Variants in COL5A2 observed in about 807,000 individuals in gnomAD.
COL5A2 encodes the protein collagen type V alpha 2 chain, also known as collagen alpha-2(V) chain.
A neutral mutation model predicts 208.2 loss-of-function variants in COL5A2; 23 were observed. The ratio of observed to expected loss-of-function variants is 0.11; its 90% CI spans 0.08 to 0.16. The LOEUF is 0.16. Among genes scored for constraint, COL5A2 ranks in the 10% least tolerant of loss-of-function variants. The pLI is 1.00. For missense variants in COL5A2, 1,590 were observed against 1,956.4 expected (o/e 0.81, Z 3.53); for synonymous variants, 625 against 628.5 (o/e 0.99, Z 0.08).
intron 1 of COL5A2, among the ~76,000 whole-genome samples, chr2:189,147,059 A>G (rs932502967): frequency 2.0e-5 from 3 of 152,228 alleles, no homozygotes; most frequent in Admixed American, 2.0e-4. Context: ...GAATCCAAAG[A>G]AATCCTAAAT....
intron 1 of COL5A2, among the ~76,000 whole-genome samples, chr2:189,147,705 G>A (rs1688066469): frequency 6.6e-6 from 1 of 152,104 alleles, no homozygotes; most frequent in Admixed American, 6.6e-5. Flanking sequence ...TAGGACTACA[G>A]TGCTATAACG....
chr2:189,115,796 G>A (rs1006812276), intron 1 of COL5A2, among the ~76,000 whole-genome samples: 1 of 152,204 alleles, frequency 6.6e-6, no homozygotes, highest in Admixed American at 6.5e-5. Flanking sequence ...AGATGTGAAT[G>A]AGGAAAGTAA....
intron 12 of COL5A2, among the ~76,000 whole-genome samples, chr2:189,081,564 G>A (rs1362876023): frequency 2.0e-5 from 3 of 152,096 alleles, no homozygotes; most frequent in African/African-American, 7.2e-5. Flanking sequence ...ATGATGGGAA[G>A]AACAGTATTA....
At chr2:189,321,903 C>A in the COL5A2 span, among the ~76,000 whole-genome samples, 1 of 152,166 alleles carries the variant, frequency 6.6e-6, no homozygotes, top group Non-Finnish European at 1.5e-5. Context: ...CGCACCTATT[C>A]CAAAATTGAC....
chr2:189,247,464 C>T, the COL5A2 span, among the ~76,000 whole-genome samples: 1 of 152,024 alleles, frequency 6.6e-6, no homozygotes, highest in Non-Finnish European at 1.5e-5. Context: ...CAGAGAAACC[C>T]AACATGACCA....
At chr2:189,292,699 T>C in the COL5A2 span, among the ~76,000 whole-genome samples, 2 of 152,156 alleles carry the variant, frequency 1.3e-5, no homozygotes, top group Non-Finnish European at 2.9e-5. Flanking sequence ...AGTGTGGCGA[T>C]TCCTCAGGGA....
intron 1 of COL5A2, among the ~76,000 whole-genome samples, chr2:189,154,901 C>G (rs1039995611): frequency 6.6e-6 from 1 of 152,084 alleles, no homozygotes; most frequent in African/African-American, 2.4e-5. Flanking sequence ...AAATGCTTGA[C>G]GAATGAATGA....
intron 46 of COL5A2, among the ~76,000 whole-genome samples, 186 bp downstream of exon 46, chr2:189,045,614 T>C (rs772026938): frequency 6.6e-6 from 1 of 152,222 alleles, no homozygotes; most frequent in East Asian, 1.9e-4. Flanking sequence ...TATTCCCTCT[T>C]AGAAATGAAA....
rs1057524370 is a variant in COL5A2, at chr2:189,039,492, A to G, written c.3705T>C (p.Asp1235=). ...PPGHLTAALG[D]IMGHYDESMP... ...TGCTTTCATCATAGTGCCCCATGAT[A>G]TCCCCAAGAGCAGCTGTAAGGTGGC... Residue 1235 remains aspartate, a synonymous_variant, in exon 51 of 54, where the codon GAT becomes GAC. Coordinates refer to ENST00000374866, the MANE Select transcript of COL5A2 (RefSeq NM_000393.5). 6.2e-7 allele frequency: 1 copy of G among 1,614,106 alleles called. No homozygotes were observed. Among genetic ancestry groups the G allele is most frequent in the South Asian group, 1.1e-5 (1 of 91,066 alleles).
the COL5A2 span, among the ~76,000 whole-genome samples, chr2:189,333,903 A>G: frequency 2.0e-5 from 3 of 151,850 alleles, no homozygotes; most frequent in Non-Finnish European, 4.4e-5. Context: ...CTGATACAGC[A>G]TACTACTGGT....
chr2:189,269,133 T>C, the COL5A2 span, among the ~76,000 whole-genome samples: 1 of 152,152 alleles, frequency 6.6e-6, no homozygotes, highest in Non-Finnish European at 1.5e-5. Flanking sequence ...TTCTTTCCAT[T>C]ATGTGATTAG....
chr2:189,294,707 T>G, the COL5A2 span, among the ~76,000 whole-genome samples: 3 of 152,226 alleles, frequency 2.0e-5, no homozygotes, highest in African/African-American at 2.4e-5. Context: ...ATATTGCAAT[T>G]ATGTTTTCAT....
the COL5A2 span, among the ~76,000 whole-genome samples, chr2:189,371,040 G>A: frequency 1.1e-4 from 16 of 152,108 alleles, no homozygotes; most frequent in Admixed American, 3.3e-4. Flanking sequence ...TGATAAGTGA[G>A]TTCTCCCTCG....
chr2:189,382,027 G>A, the COL5A2 span, among the ~76,000 whole-genome samples: 1 of 152,154 alleles, frequency 6.6e-6, no homozygotes, highest in African/African-American at 2.4e-5. Context: ...AAGGTATTAT[G>A]TAATAATTTC....
At chr2:189,396,539 T>TG in the COL5A2 span, among the ~76,000 whole-genome samples, 3 of 151,328 alleles carry the variant, frequency 2.0e-5, no homozygotes, top group African/African-American at 7.3e-5. Flanking sequence ...CCGGGCGTGG[T>TG]GGTGGGCCCC....
intron 1 of COL5A2, among the ~76,000 whole-genome samples, chr2:189,203,746 T>C (rs1460847381): frequency 6.6e-6 from 1 of 152,184 alleles, no homozygotes; most frequent in Non-Finnish European, 1.5e-5. Flanking sequence ...ATTAAATGAA[T>C]AATTAGTTAC....
upstream of COL5A2, among the ~76,000 whole-genome samples, chr2:189,228,921 A>G (rs947101379): frequency 6.6e-6 from 1 of 151,864 alleles, no homozygotes; most frequent in Non-Finnish European, 1.5e-5. Context: ...AAAATATATG[A>G]GCAAACTAAA....
the COL5A2 span, among the ~76,000 whole-genome samples, chr2:189,278,296 A>C: frequency 6.6e-6 from 1 of 152,262 alleles, no homozygotes; most frequent in East Asian, 1.9e-4. Flanking sequence ...AAATTAATTA[A>C]GTATTTCTCA....
the COL5A2 span, among the ~76,000 whole-genome samples, chr2:189,244,699 T>C: frequency 0.93 from 140,918 of 152,252 alleles, 65,503 homozygotes; most frequent in East Asian, 1. Context: ...TTCTTCTGAG[T>C]CCTCCAAACT....
Sources: gnomAD v4.1 joint callset for allele counts (sites outside exome capture counted in the v4.1 genomes callset) on GRCh38, gnomAD v4.1.1 for gene constraint, MANE v1.5 for transcripts, NCBI Gene and HGNC (gene_info 2026-07-23, HGNC 2026-07-21) for gene names.